The following UGGT2 variants were observed in gnomAD, a reference collection of about 807,000 sequenced individuals.
UGGT2 encodes the protein UDP-glucose glycoprotein glucosyltransferase 2.
A neutral mutation model predicts 192.1 loss-of-function variants in UGGT2; 180 were observed. That is an observed-to-expected ratio of 0.94 (90% CI 0.83 to 1.06). The LOEUF is 1.06. Ranked by LOEUF, UGGT2 falls within the 50% of genes least tolerant of loss-of-function variation. UGGT2 has a pLI of 0.00. For missense variants in UGGT2, 1,849 were observed against 1,795.7 expected (o/e 1.03, Z -0.54); for synonymous variants, 580 against 591.0 (o/e 0.98, Z 0.27).
intron 38 of UGGT2, among the ~76,000 whole-genome samples, chr13:95,811,963 C>A (rs559146624): frequency 2.0e-5 from 3 of 152,038 alleles, no homozygotes; most frequent in African/African-American, 7.2e-5. Context: ...ATAGGGAGCA[C>A]AAATCAAACA....
intron 36 of UGGT2, among the ~76,000 whole-genome samples, chr13:95,849,542 CAAAAA>C (rs35734084): frequency 9.6e-6 from 1 of 103,914 alleles, no homozygotes; most frequent in African/African-American, 3.7e-5. Context: ...GACTCTGTCT[CAAAAA>C]AAAAAAAAAA....
chr13:95,925,894 G>C (rs907272712), intron 19 of UGGT2, 120 bp from the exon 20 acceptor site: 1 of 583,350 alleles, frequency 1.7e-6, no homozygotes, highest in East Asian at 3.1e-5. Context: ...GAAAAGCAAA[G>C]ATTTTTAAAA....
At chr13:96,050,780 A>T (rs2053461182) in intron 1 of UGGT2, among the ~76,000 whole-genome samples, 1 of 152,232 alleles carries the variant, frequency 6.6e-6, no homozygotes, top group African/African-American at 2.4e-5. Flanking sequence ...AACCACAATG[A>T]GATACCATCT....
intron 29 of UGGT2, among the ~76,000 whole-genome samples, chr13:95,869,993 G>A (rs908071787): frequency 6.6e-6 from 1 of 152,176 alleles, no homozygotes; most frequent in African/African-American, 2.4e-5. Flanking sequence ...ATGTAAATCA[G>A]ATTGGCTTCA....
chr13:96,023,528 AC>A, intron 3 of UGGT2, 100 bp downstream of exon 3: 1 of 1,271,572 alleles, frequency 7.9e-7, no homozygotes, highest in Non-Finnish European at 1.0e-6. Flanking sequence ...CCAACTATAA[AC>A]TTGTAGATCA....
At position 96,023,055 on chromosome 13, in the gene UGGT2, T is replaced by C. The variant is rs2052561629; in HGVS notation, c.470A>G (p.Lys157Arg). 1 of 1,584,300 alleles carries C rather than the reference T, an allele frequency of 6.3e-7. No individual in the cohort carries two copies. Among genetic ancestry groups the C allele is most frequent in the African/African-American group, 1.3e-5 (1 of 74,192 alleles). Reference protein sequence around the residue: ...CKINEIKKLLKKAASRTRPYL... With the variant: ...CKINEIKKLLRKAASRTRPYL... ...ATTAATTTACCTTGAAGCAGCTTTC[T>C]TCAGCAGCTTTTTAATCTCATTAAT... Residue 157 changes from lysine to arginine, a missense_variant, in exon 4 of 39, where the codon AAG becomes AGG. Physicochemically the swap from Lys to Arg is conservative, Grantham distance 26. Transcript: ENST00000376747.
chr13:95,972,701 A>G (rs1484573376), intron 10 of UGGT2, 30 bp from the exon 11 acceptor site: 1 of 1,543,414 alleles, frequency 6.5e-7, no homozygotes, highest in South Asian at 1.1e-5. Flanking sequence ...ATAGTTAACC[A>G]GTGATAGAAC....
chr13:96,013,626 A>G (rs1594573311), intron 4 of UGGT2, 145 bp from the exon 5 acceptor site: 2 of 538,946 alleles, frequency 3.7e-6, no homozygotes, highest in East Asian at 7.0e-5. Flanking sequence ...CTTTGTACAC[A>G]TAACTTGAAC....
chr13:95,813,446 G>C (rs2139750033), intron 38 of UGGT2, among the ~76,000 whole-genome samples: 1 of 152,282 alleles, frequency 6.6e-6, no homozygotes, highest in South Asian at 2.1e-4. Context: ...TAGGGTATCT[G>C]GTAGAAGAAA....
Position 95,877,111 on chromosome 13 carries a change from T to C in UGGT2, c.3473+168A>G, listed in dbSNP as rs141589652. 314 of 486,556 alleles carry C rather than the reference T, an allele frequency of 6.5e-4. No homozygotes were observed. In the East Asian group the frequency reaches 7.4e-3, roughly 12 times the overall value. 30.1% of individuals were successfully genotyped at this position (486,556 alleles called of 1,614,324 possible). ...GTTGGCCAGGCAGGTCTTGAACTCC[T>C]GGCCTTGTGATCTGCCTGCCTCGGC... is the stretch of plus-strand genomic sequence containing the variant. On this transcript the variant is annotated intron_variant, in intron 29 of 38. Coordinates refer to ENST00000376747, the MANE Select transcript of UGGT2 (RefSeq NM_020121.4).
At chr13:95,854,201 T>C in intron 35 of UGGT2, 114 bp downstream of exon 35, 1 of 1,111,448 alleles carries the variant, frequency 9.0e-7, no homozygotes, top group African/African-American at 1.6e-5. Context: ...ACTATGTAAT[T>C]GGTTGCTTTT....
intron 10 of UGGT2, among the ~76,000 whole-genome samples, chr13:95,979,906 T>A (rs2051062458): frequency 6.6e-6 from 1 of 152,114 alleles, no homozygotes; most frequent in Admixed American, 6.5e-5. Flanking sequence ...TCAACATCAC[T>A]AAGTATCAGA....
chr13:95,849,764 C>A (rs2140011848), intron 36 of UGGT2, among the ~76,000 whole-genome samples: 1 of 151,422 alleles, frequency 6.6e-6, no homozygotes, highest in African/African-American at 2.4e-5. Context: ...GTTTAGTGTG[C>A]AAATTATTTT....
intron 1 of UGGT2, among the ~76,000 whole-genome samples, chr13:96,048,509 C>T (rs749313267): frequency 5.3e-5 from 8 of 152,032 alleles, no homozygotes; most frequent in Non-Finnish European, 1.0e-4. Context: ...GAGATAGAGA[C>T]ACAAGAAAAC....
At chr13:96,006,539 G>A (rs1478600835) in intron 5 of UGGT2, among the ~76,000 whole-genome samples, 11 of 146,648 alleles carry the variant, frequency 7.5e-5, no homozygotes, top group South Asian at 2.1e-4. Flanking sequence ...CAAGAGAATC[G>A]CTTGAACCCA....
chr13:96,032,617 A>AAC (rs1203035799), intron 1 of UGGT2, among the ~76,000 whole-genome samples: 4 of 152,244 alleles, frequency 2.6e-5, no homozygotes, highest in African/African-American at 9.6e-5. Flanking sequence ...TTCTGCACAG[A>AAC]ACAAAACACT....
chr13:95,894,779 T>C (rs1279695584), intron 23 of UGGT2, 122 bp from the exon 24 acceptor site: 1 of 740,920 alleles, frequency 1.3e-6, no homozygotes, highest in African/African-American at 1.8e-5. Context: ...CAAAGTAGAC[T>C]GCAAAGGGAG....
Position 95,860,692 on chromosome 13 carries a change from T to C in UGGT2, c.3740+96A>G, listed in dbSNP as rs1364235375. On this transcript the variant is annotated intron_variant, in intron 32 of 38. Coordinates refer to ENST00000376747, the MANE Select transcript of UGGT2 (RefSeq NM_020121.4). ...GTATCAAGGAAACAGAGGTGGGAGT[T>C]TTTTTTTTCCCAGTGTATATTCCTT... 4 of 682,354 alleles carry C rather than the reference T, an allele frequency of 5.9e-6. No individual in the cohort carries two copies. The African/African-American group carries it at 7.6e-5, about 13-fold the overall frequency. 42.3% of individuals were successfully genotyped at this position (682,354 alleles called of 1,614,324 possible). A position where few individuals can be genotyped will look rare whatever the true frequency, so the allele number is the denominator to read the frequency against.
At position 95,856,289 on chromosome 13, in the gene UGGT2, G is replaced by A. The variant is rs1889607151; in HGVS notation, c.3877C>T (p.Gln1293Ter). 6.2e-7 allele frequency: 1 copy of A among 1,613,086 alleles called. No homozygotes were observed. The highest frequency in any genetic ancestry group is 8.5e-7 in the Non-Finnish European group (1 of 1,179,706). Residue 1293 changes from glutamine (Q) to a stop codon, truncating the protein, a stop_gained, in exon 34 of 39, where the codon CAA becomes TAA. Coordinates refer to ENST00000376747, the MANE Select transcript of UGGT2 (RefSeq NM_020121.4). LOFTEE classifies it high-confidence loss of function. Reference sequence around the variant, plus strand: ...CGAAGCCAACGGGGCCACCTATATTGAACTAGTTCATATCGGAATCCATAC... The same window carrying A: ...CGAAGCCAACGGGGCCACCTATATTAAACTAGTTCATATCGGAATCCATAC... ...KEYGFRYELV[Q>*]YRWPRWLRQQ...
Sources: gnomAD v4.1 joint callset for allele counts (sites outside exome capture counted in the v4.1 genomes callset) on GRCh38, gnomAD v4.1.1 for gene constraint, MANE v1.5 for transcripts, NCBI Gene and HGNC (gene_info 2026-07-23, HGNC 2026-07-21) for gene names.